The following PDE4B variants were observed in gnomAD, a reference collection of about 807,000 sequenced individuals.
PDE4B encodes the protein phosphodiesterase 4B.
A neutral mutation model predicts 82.2 loss-of-function variants in PDE4B; 20 were observed. That is an observed-to-expected ratio of 0.24 (90% confidence interval 0.17 to 0.35). The LOEUF (loss-of-function observed/expected upper bound fraction) is 0.35. Ranked by LOEUF, PDE4B falls within the 10% of genes least tolerant of loss-of-function variation. The probability of loss-of-function intolerance (pLI) is 1.00; values close to 1 mark genes in which losing one functional copy is unlikely to be tolerated. For synonymous variants in PDE4B, 320 were observed against 318.9 expected (o/e 1.00, Z -0.04); for missense variants, 655 against 907.2 (o/e 0.72, Z 3.57).
chr1:66,304,044 T>A (rs1269220207), intron 7 of PDE4B, among the ~76,000 whole-genome samples: 1 of 152,136 alleles, frequency 6.6e-6, no homozygotes, highest in Non-Finnish European at 1.5e-5. Flanking sequence ...GACCTAGGAC[T>A]CACAATTCAG....
intron 1 of PDE4B, among the ~76,000 whole-genome samples, chr1:65,829,384 A>G (rs1646055795): frequency 1.3e-5 from 2 of 152,186 alleles, no homozygotes; most frequent in Admixed American, 1.3e-4. Flanking sequence ...CTCCTTTCTT[A>G]TTGACAAAAC....
intron 3 of PDE4B, among the ~76,000 whole-genome samples, chr1:66,116,857 A>ATATATAAAGTGAG (rs1645605847): frequency 6.6e-6 from 1 of 152,042 alleles, no homozygotes; most frequent in African/African-American, 2.4e-5. Context: ...GAGCCACCGC[A>ATATATAAAGTGAG]CCTGGCATAT....
chr1:66,043,044 T>G (rs1173132763), intron 3 of PDE4B, among the ~76,000 whole-genome samples: 2 of 151,724 alleles, frequency 1.3e-5, no homozygotes, highest in Non-Finnish European at 3.0e-5. Flanking sequence ...TGTGTGAGTT[T>G]AAGGCTATGA....
At position 65,924,077 on chromosome 1, in the gene PDE4B, A is replaced by AT. The variant is rs71058436; in HGVS notation, c.281+5257dup. On this transcript the variant is annotated intron_variant, in intron 3 of 16. Coordinates refer to ENST00000341517, the MANE Select transcript of PDE4B (RefSeq NM_002600.4). The stretch of plus-strand genomic sequence containing the variant: ...TTCTAATCTGCCTTCCAGTTTGCTA[A>AT]TTTTTTTTTTTTTTTGAGACGGAGT... Among the ~76,000 whole-genome samples the AT allele has an allele frequency of 3.2e-4, 13 of 40,786 alleles. 3 individuals carry two copies. Among genetic ancestry groups the AT allele is most frequent in the Admixed American group, 1.1e-3 (2 of 1,776 alleles). 26.8% of individuals were successfully genotyped at this position (40,786 alleles called of 152,430 possible). A position where few individuals can be genotyped will look rare whatever the true frequency, so the allele number is the denominator to read the frequency against.
At chr1:65,855,276 T>C (rs565786393) in intron 1 of PDE4B, among the ~76,000 whole-genome samples, 3 of 152,258 alleles carry the variant, frequency 2.0e-5, no homozygotes, top group Admixed American at 2.0e-4. Context: ...TATTAGATAT[T>C]GGAAATTGTG....
At chr1:66,008,878 A>G (rs1331848213) in intron 3 of PDE4B, among the ~76,000 whole-genome samples, 1 of 152,018 alleles carries the variant, frequency 6.6e-6, no homozygotes, top group East Asian at 1.9e-4. Context: ...AAATATTGGA[A>G]TGCTCCAGAG....
Position 66,229,017 on chromosome 1 carries a change from C to CT in PDE4B, c.282-18435dup, listed in dbSNP as rs537786155. Among the ~76,000 whole-genome samples, 1,093 of 151,696 alleles carry CT rather than the reference C, an allele frequency of 7.2e-3. 6 individuals are homozygous for CT. Among genetic ancestry groups the CT allele is most frequent in the Non-Finnish European group, 0.012 (791 of 67,850 alleles). On this transcript the variant is annotated intron_variant, in intron 3 of 16. Coordinates refer to ENST00000341517, the MANE Select transcript of PDE4B (RefSeq NM_002600.4). ...GGGGAAGGAACATCTTCCCCAGAGGCTTTTTTTTGAGATGGAGTCTTGCTC... is the reference window on the plus strand; with the variant it reads ...GGGGAAGGAACATCTTCCCCAGAGGCTTTTTTTTTGAGATGGAGTCTTGCTC...
chr1:65,900,024 G>A (rs952208809), intron 1 of PDE4B, among the ~76,000 whole-genome samples: 5 of 151,670 alleles, frequency 3.3e-5, no homozygotes, highest in African/African-American at 7.3e-5. Flanking sequence ...CCCCAATAAC[G>A]TATGGAAATA....
At chr1:66,113,957 C>T (rs754346773) in intron 3 of PDE4B, among the ~76,000 whole-genome samples, 17 of 152,172 alleles carry the variant, frequency 1.1e-4, no homozygotes, top group Non-Finnish European at 1.8e-4. Context: ...TCTACTATTA[C>T]GAATTGCTAT....
chr1:65,820,737 A>T (rs953277760), intron 1 of PDE4B, among the ~76,000 whole-genome samples: 1 of 152,242 alleles, frequency 6.6e-6, no homozygotes, highest in African/African-American at 2.4e-5. Context: ...TTACATTGAC[A>T]TTTTATTTAA....
chr1:66,331,426 G>C (rs1261081156), intron 7 of PDE4B, among the ~76,000 whole-genome samples: 1 of 152,166 alleles, frequency 6.6e-6, no homozygotes, highest in Non-Finnish European at 1.5e-5. Flanking sequence ...AGTTATTTCA[G>C]TGCTTATTAA....
intron 8 of PDE4B, among the ~76,000 whole-genome samples, chr1:66,335,844 A>G (rs1660474490): frequency 1.3e-5 from 2 of 152,256 alleles, no homozygotes; most frequent in East Asian, 3.8e-4. Flanking sequence ...GTTTTGCTTA[A>G]CAACAGATTG....
At chr1:66,128,925 C>T (rs969046910) in intron 3 of PDE4B, among the ~76,000 whole-genome samples, 3 of 152,184 alleles carry the variant, frequency 2.0e-5, no homozygotes, top group Non-Finnish European at 4.4e-5. Flanking sequence ...CAATTATTTC[C>T]GACTTCCTCC....
chr1:66,152,520 C>T (rs939550797), intron 3 of PDE4B: 1 of 327,590 alleles, frequency 3.1e-6, no homozygotes, highest in African/African-American at 2.1e-5. Context: ...TCCAGAGAAA[C>T]AGAACTGATG....
intron 3 of PDE4B, 92 bp downstream of exon 3, chr1:65,918,927 G>A: frequency 1.3e-6 from 1 of 776,726 alleles, no homozygotes; most frequent in Non-Finnish European, 2.2e-6. Flanking sequence ...TGAGTTTTCT[G>A]TGAAATACCT....
intron 3 of PDE4B, among the ~76,000 whole-genome samples, chr1:65,985,352 T>C (rs1446817648): frequency 6.6e-6 from 1 of 152,190 alleles, no homozygotes; most frequent in Non-Finnish European, 1.5e-5. Context: ...CTCTGTAGTA[T>C]CACAGTTAAC....
intron 3 of PDE4B, among the ~76,000 whole-genome samples, chr1:66,020,638 G>C (rs1039459750): frequency 1.1e-4 from 16 of 150,740 alleles, no homozygotes; most frequent in East Asian, 9.8e-4. Flanking sequence ...CTACAAAGGA[G>C]ATGAACTCAT....
intron 9 of PDE4B, among the ~76,000 whole-genome samples, chr1:66,356,435 ATCT>A (rs1662249286): frequency 6.6e-6 from 1 of 152,178 alleles, no homozygotes; most frequent in Non-Finnish European, 1.5e-5. Flanking sequence ...GAATCTGCAA[ATCT>A]GTACATCAAA....
intron 3 of PDE4B, among the ~76,000 whole-genome samples, chr1:66,169,191 C>T (rs1341960985): frequency 1.3e-5 from 2 of 152,204 alleles, no homozygotes; most frequent in Non-Finnish European, 2.9e-5. Context: ...TAATTTGTCA[C>T]TCTGGGAAAT....
Sources: gnomAD v4.1 joint callset for allele counts (sites outside exome capture counted in the v4.1 genomes callset) on GRCh38, gnomAD v4.1.1 for gene constraint, MANE v1.5 for transcripts, NCBI Gene and HGNC (gene_info 2026-07-23, HGNC 2026-07-21) for gene names.